MYO1B: variants seen among roughly 807,000 people sequenced by gnomAD.
The protein encoded by MYO1B is unconventional myosin-Ib.
In MYO1B, 72 loss-of-function variants were observed where a neutral mutation model predicts 159.7. The ratio of observed to expected loss-of-function variants is 0.45; its 90% CI spans 0.37 to 0.55. MYO1B has a LOEUF of 0.55. Among genes scored for constraint, MYO1B ranks in the 20% least tolerant of loss-of-function variants. MYO1B has a pLI of 0.00. For missense variants in MYO1B, 1,062 were observed against 1,364.8 expected (o/e 0.78, Z 3.50); for synonymous variants, 468 against 473.8 (o/e 0.99, Z 0.16).
At chr2:191,379,416 TA>T (rs895230210) in intron 13 of MYO1B, 8 of 152,642 alleles carry the variant, frequency 5.2e-5, no homozygotes, top group African/African-American at 1.7e-4. Flanking sequence ...TTTTAAAGGT[TA>T]TGGGCAAATT....
chr2:191,303,605 G>A (rs967564761), intron 3 of MYO1B, among the ~76,000 whole-genome samples: 5 of 152,070 alleles, frequency 3.3e-5, no homozygotes, highest in Non-Finnish European at 5.9e-5. Context: ...GTCTTCATGA[G>A]AGAGGCTAAA....
At chr2:191,421,108 C>T (rs751990965) in intron 30 of MYO1B, among the ~76,000 whole-genome samples, 13 of 147,220 alleles carry the variant, frequency 8.8e-5, no homozygotes, top group East Asian at 4.0e-4. Context: ...CTTGCTCTGT[C>T]GCCTAGGCTC....
At chr2:191,365,248 C>G (rs1323844828) in intron 11 of MYO1B, among the ~76,000 whole-genome samples, 1 of 152,230 alleles carries the variant, frequency 6.6e-6, no homozygotes, top group Non-Finnish European at 1.5e-5. Context: ...GACTTCCACT[C>G]AGGCCCCCAC....
Position 191,344,019 on chromosome 2 carries a change from G to A in MYO1B, c.452-2217G>A, listed in dbSNP as rs969319056. On this transcript the variant is annotated intron_variant, in intron 5 of 30. Transcript: ENST00000392318. Reference sequence around the variant, plus strand: ...GCAACTCAGATTTGTTTGATGAAAAGATGGTTTATGGCTTGCAAATAGCAC... The same window carrying A: ...GCAACTCAGATTTGTTTGATGAAAAAATGGTTTATGGCTTGCAAATAGCAC... 1.3e-5 allele frequency among the ~76,000 whole-genome samples: 2 copies of A among 152,226 alleles called. 1 individual carries two copies. The highest frequency in any genetic ancestry group is 3.8e-4 in the East Asian group (2 of 5,202).
chr2:191,405,323 C>T (rs1245678446), intron 24 of MYO1B, among the ~76,000 whole-genome samples: 1 of 152,240 alleles, frequency 6.6e-6, no homozygotes, highest in South Asian at 2.1e-4. Context: ...ACTTCCTCCA[C>T]TAAAGTTGTG....
intron 26 of MYO1B, among the ~76,000 whole-genome samples, chr2:191,410,644 G>A (rs984513060): frequency 3.3e-5 from 5 of 152,182 alleles, no homozygotes; most frequent in African/African-American, 9.7e-5. Context: ...AAAGGATTGA[G>A]TATTGTTTTG....
intron 14 of MYO1B, 64 bp from the exon 15 acceptor site, chr2:191,383,216 T>G: frequency 1.0e-6 from 1 of 974,662 alleles, no homozygotes; most frequent in Non-Finnish European, 1.5e-6. Flanking sequence ...AAAGTCTGTT[T>G]TATGGATGGT....
At chr2:191,415,627 A>G (rs372647224) in intron 29 of MYO1B, among the ~76,000 whole-genome samples, 13 of 151,712 alleles carry the variant, frequency 8.6e-5, no homozygotes, top group African/African-American at 2.7e-4. Flanking sequence ...ATAAACCCAG[A>G]TGATTCCCTT....
intron 17 of MYO1B, among the ~76,000 whole-genome samples, chr2:191,390,032 T>C (rs1239657578): frequency 6.6e-6 from 1 of 152,232 alleles, no homozygotes; most frequent in Non-Finnish European, 1.5e-5. Flanking sequence ...TTCTTTTCAC[T>C]CAATGAAATG....
intron 6 of MYO1B, among the ~76,000 whole-genome samples, chr2:191,348,685 ACTT>A (rs1441833937): frequency 1.3e-5 from 2 of 151,586 alleles, no homozygotes; most frequent in Non-Finnish European, 2.9e-5. Flanking sequence ...CTCTTTGACT[ACTT>A]CTACTTAAAG....
intron 23 of MYO1B, 179 bp from the exon 24 acceptor site, chr2:191,402,453 T>C (rs543851273): frequency 9.9e-6 from 6 of 603,274 alleles, no homozygotes; most frequent in East Asian, 8.6e-5. Context: ...ACTGAAAATA[T>C]AAGCGCTGCA....
At chr2:191,321,737 A>C (rs1690728444) in intron 3 of MYO1B, among the ~76,000 whole-genome samples, 1 of 152,144 alleles carries the variant, frequency 6.6e-6, no homozygotes, top group African/African-American at 2.4e-5. Flanking sequence ...TCTCAGTAAA[A>C]GTCATCTTTT....
At chr2:191,305,819 C>T (rs759676345) in intron 3 of MYO1B, among the ~76,000 whole-genome samples, 5 of 152,182 alleles carry the variant, frequency 3.3e-5, no homozygotes, top group Non-Finnish European at 5.9e-5. Context: ...GGGTACAGCC[C>T]TGCCTGAGGA....
At chr2:191,289,536 T>G (rs998386047) in intron 2 of MYO1B, among the ~76,000 whole-genome samples, 4 of 152,148 alleles carry the variant, frequency 2.6e-5, no homozygotes, top group Non-Finnish European at 5.9e-5. Context: ...TTTAAGGAAC[T>G]CCAGAGACAT....
intron 7 of MYO1B, among the ~76,000 whole-genome samples, chr2:191,359,293 G>A (rs984029827): frequency 7.6e-6 from 1 of 131,542 alleles, no homozygotes; most frequent in African/African-American, 2.7e-5. Context: ...TATCCCACTT[G>A]TACTTTTCAA....
chr2:191,245,744 G>A (rs1440681658), intron 1 of MYO1B, 118 bp downstream of exon 1: 1 of 152,242 alleles, frequency 6.6e-6, no homozygotes, highest in Non-Finnish European at 1.5e-5. Context: ...CGCACCCTGC[G>A]GGCGGGGGTC....
At chr2:191,262,695 T>C (rs1290011455) in intron 1 of MYO1B, among the ~76,000 whole-genome samples, 1 of 151,468 alleles carries the variant, frequency 6.6e-6, no homozygotes, top group Non-Finnish European at 1.5e-5. Context: ...TTGGCTTACC[T>C]TTCATCCCAG....
At chr2:191,301,718 G>A (rs186818523) in intron 3 of MYO1B, among the ~76,000 whole-genome samples, 1 of 152,256 alleles carries the variant, frequency 6.6e-6, no homozygotes, top group Admixed American at 6.5e-5. Flanking sequence ...TTGGTTAAGC[G>A]ATACTCAGTC....
chr2:191,370,252 T>A lies in MYO1B; in HGVS notation c.1145T>A (p.Val382Asp). The change falls in exon 13 of 31, where the codon GTC becomes GAC. Residue 382 changes from valine (V) to aspartate (D), a missense_variant. Physicochemically the swap from Val to Asp is radical, Grantham distance 152. This residue lies in a region of MYO1B where 415 missense variants were observed against 544.0 expected (regional missense o/e 0.76). Transcript: ENST00000392318. ...IKAQTKVRKKVMGVLDIYGFE... is the reference protein window; with the variant it reads ...IKAQTKVRKKDMGVLDIYGFE... The stretch of plus-strand genomic sequence containing the variant: ...GCACAAACAAAAGTGAGAAAGAAGG[T>A]CATGGGTGTTCTGGACATTTATGGC... The A allele has an allele frequency of 1.9e-6, 3 of 1,613,386 alleles. No homozygotes were observed. The highest frequency in any genetic ancestry group is 2.5e-6 in the Non-Finnish European group (3 of 1,179,656).
Sources: allele counts gnomAD v4.1 joint callset (sites outside exome capture counted in the v4.1 genomes callset), GRCh38; gene constraint gnomAD v4.1.1; regional missense constraint gnomAD v4.1.1; transcripts MANE v1.5; gene names NCBI Gene and HGNC (gene_info 2026-07-23, HGNC 2026-07-21).